The following CELF4 variants were observed in gnomAD, a reference collection of about 807,000 sequenced individuals.
CELF4 encodes CUG-BP- and ETR-3-like factor 4.
Under a neutral mutation model 59.9 loss-of-function variants are expected in CELF4, and 18 were observed. That is an observed-to-expected ratio of 0.30 (90% confidence interval 0.21 to 0.45). CELF4 has a LOEUF of 0.45. Among genes scored for constraint, CELF4 ranks in the 20% least tolerant of loss-of-function variants. The pLI is 1.00. For missense variants in CELF4, 456 were observed against 689.0 expected (o/e 0.66, Z 3.79); for synonymous variants, 261 against 267.1 (o/e 0.98, Z 0.22).
At chr18:37,462,436 T>C (rs921397706) in intron 2 of CELF4, among the ~76,000 whole-genome samples, 1 of 152,206 alleles carries the variant, frequency 6.6e-6, no homozygotes, top group Non-Finnish European at 1.5e-5. Flanking sequence ...CCACAGGCCC[T>C]GCAGGCATTG....
chr18:37,496,115 C>T (rs945415934), intron 1 of CELF4, among the ~76,000 whole-genome samples: 1 of 152,202 alleles, frequency 6.6e-6, no homozygotes, highest in East Asian at 1.9e-4. Flanking sequence ...TCCTCCAACC[C>T]TTTGAACCGT....
intron 1 of CELF4, among the ~76,000 whole-genome samples, chr18:37,524,586 C>T (rs2099961364): frequency 1.3e-5 from 2 of 152,116 alleles, no homozygotes; most frequent in Non-Finnish European, 2.9e-5. Flanking sequence ...GGCGGGGCAG[C>T]CCCGGAGCGG....
chr18:37,520,818 C>A (rs1352863432), intron 1 of CELF4, among the ~76,000 whole-genome samples: 1 of 152,156 alleles, frequency 6.6e-6, no homozygotes, highest in Non-Finnish European at 1.5e-5. Flanking sequence ...GCTATGCTCA[C>A]AGTAGGTGTT....
At chr18:37,557,017 T>A (rs1256160828) in intron 1 of CELF4, among the ~76,000 whole-genome samples, 1 of 152,084 alleles carries the variant, frequency 6.6e-6, no homozygotes, top group African/African-American at 2.4e-5. Context: ...GCACCAAGAC[T>A]CCACAACTGA....
At chr18:37,539,493 G>A (rs577056553) in intron 1 of CELF4, among the ~76,000 whole-genome samples, 9 of 151,156 alleles carry the variant, frequency 6.0e-5, no homozygotes, top group East Asian at 5.9e-4. Context: ...ACACACACAC[G>A]CGTGCACGTG....
At chr18:37,424,895 C>A (rs1260978187) in intron 2 of CELF4, among the ~76,000 whole-genome samples, 1 of 152,200 alleles carries the variant, frequency 6.6e-6, no homozygotes, top group African/African-American at 2.4e-5. Flanking sequence ...GCTATTCCTT[C>A]CTGTGCTCTT....
chr18:37,523,636 C>T (rs1177825143), intron 1 of CELF4, among the ~76,000 whole-genome samples: 1 of 152,158 alleles, frequency 6.6e-6, no homozygotes, highest in East Asian at 1.9e-4. Flanking sequence ...GCTCAGGCTG[C>T]GAGTGGAATG....
intron 2 of CELF4, among the ~76,000 whole-genome samples, chr18:37,379,952 C>T (rs1474608489): frequency 1.3e-5 from 2 of 152,192 alleles, no homozygotes; most frequent in Non-Finnish European, 2.9e-5. Flanking sequence ...CACCCTTAGA[C>T]CCACCCTTCC....
At chr18:37,438,681 G>A (rs542820215) in intron 2 of CELF4, among the ~76,000 whole-genome samples, 6 of 152,266 alleles carry the variant, frequency 3.9e-5, no homozygotes, top group South Asian at 4.2e-4. Flanking sequence ...GGGACACATC[G>A]TGTGGCTGTG....
chr18:37,460,300 C>G (rs896336120), intron 2 of CELF4, among the ~76,000 whole-genome samples: 8 of 152,294 alleles, frequency 5.3e-5, no homozygotes, highest in Admixed American at 4.6e-4. Flanking sequence ...TAAAATGGAA[C>G]ACGGTCCTCT....
At chr18:37,321,659 A>G (rs1020420325) in intron 3 of CELF4, 144 bp downstream of exon 3, 1 of 591,624 alleles carries the variant, frequency 1.7e-6, no homozygotes, top group African/African-American at 1.9e-5. Context: ...AGAGCTCCAA[A>G]GCTCTGTCCC....
At chr18:37,374,552 C>T (rs947999128) in intron 2 of CELF4, among the ~76,000 whole-genome samples, 1 of 152,180 alleles carries the variant, frequency 6.6e-6, no homozygotes, top group African/African-American at 2.4e-5. Flanking sequence ...TGCAGACTGA[C>T]AATGACATGC....
chr18:37,332,341 C>G (rs551006287), intron 2 of CELF4, among the ~76,000 whole-genome samples: 1 of 152,162 alleles, frequency 6.6e-6, no homozygotes, highest in Non-Finnish European at 1.5e-5. Context: ...TTGCAGCCCA[C>G]GTAGCCTCAC....
chr18:37,478,206 G>A (rs1350231442), intron 2 of CELF4, among the ~76,000 whole-genome samples: 2 of 152,148 alleles, frequency 1.3e-5, no homozygotes, highest in Admixed American at 6.5e-5. Context: ...CTTGAGAGGC[G>A]ATCTGGCCCA....
intron 2 of CELF4, among the ~76,000 whole-genome samples, chr18:37,405,960 C>A (rs2099386334): frequency 6.6e-6 from 1 of 152,268 alleles, no homozygotes; most frequent in African/African-American, 2.4e-5. Context: ...ATGCATAACA[C>A]CCCCACGCTC....
chr18:37,274,168 G>A, intron 6 of CELF4, 143 bp downstream of exon 6: 2 of 1,486,778 alleles, frequency 1.3e-6, no homozygotes, highest in Non-Finnish European at 1.8e-6. Flanking sequence ...AACCCCCCAG[G>A]TTCATGGGTT....
chr18:37,554,058 G>C (rs1025432287), intron 1 of CELF4, among the ~76,000 whole-genome samples: 1 of 152,248 alleles, frequency 6.6e-6, no homozygotes, highest in Non-Finnish European at 1.5e-5. Flanking sequence ...CTAGAGCCAG[G>C]CCTTGTGGCT....
intron 2 of CELF4, among the ~76,000 whole-genome samples, chr18:37,450,615 A>C (rs556134172): frequency 4.4e-4 from 67 of 151,730 alleles, no homozygotes; most frequent in Non-Finnish European, 9.0e-4. Flanking sequence ...ATCCCTGATG[A>C]TCTCCATGGC....
intron 2 of CELF4, among the ~76,000 whole-genome samples, chr18:37,470,818 T>C (rs1162609622): frequency 7.2e-6 from 1 of 139,148 alleles, no homozygotes; most frequent in East Asian, 2.2e-4. Context: ...CCCAGGCAGA[T>C]CCTGACTCTT....
Sources: gnomAD v4.1 joint callset for allele counts (sites outside exome capture counted in the v4.1 genomes callset) on GRCh38, gnomAD v4.1.1 for gene constraint, MANE v1.5 for transcripts, NCBI Gene and HGNC (gene_info 2026-07-23, HGNC 2026-07-21) for gene names.